The following LGR4 variants were observed in gnomAD, a reference collection of about 807,000 sequenced individuals.
LGR4 encodes the protein leucine-rich repeat-containing G protein-coupled receptor 4.
In LGR4, 44 loss-of-function variants were observed where a neutral mutation model predicts 84.8. That is an observed-to-expected ratio of 0.52 (90% CI 0.41 to 0.67). The LOEUF is 0.67. LGR4 is among the 30% of genes least tolerant of loss of function. LGR4 has a pLI of 0.00. For missense variants in LGR4, 1,032 were observed against 1,131.4 expected (o/e 0.91, Z 1.26); for synonymous variants, 429 against 434.3 (o/e 0.99, Z 0.15).
chr11:27,393,833 C>T (rs1378578899), intron 2 of LGR4, among the ~76,000 whole-genome samples: 1 of 149,210 alleles, frequency 6.7e-6, no homozygotes, highest in Non-Finnish European at 1.5e-5. Flanking sequence ...CTTTTAGATG[C>T]ATTATTTTCT....
At chr11:27,398,503 A>T (rs1863432717) in intron 2 of LGR4, among the ~76,000 whole-genome samples, 1 of 152,194 alleles carries the variant, frequency 6.6e-6, no homozygotes, top group Non-Finnish European at 1.5e-5. Context: ...TGGAGTAAGA[A>T]ATACCATATA....
chr11:27,380,690 CAG>C lies in LGR4; in HGVS notation c.850_851del (p.Leu284ValfsTer13). The C allele has an allele frequency of 6.2e-7, 1 of 1,602,858 alleles. No homozygotes were observed. The highest frequency in any genetic ancestry group is 8.5e-7 in the Non-Finnish European group (1 of 1,171,326). ...LRTIHLYDNP[L>X]SFVGNSAFHN... ...GAAATGCTGAGTTCCCCACAAAAGA[CAG>C]AGGATTATCATACAAATGTCTGTGA... On this transcript the variant is annotated frameshift_variant, in exon 9 of 18. Coordinates refer to ENST00000379214, the MANE Select transcript of LGR4 (RefSeq NM_018490.5). LOFTEE classifies it high-confidence loss of function.
chr11:27,458,136 AAAAAG>A (rs1367539249), intron 1 of LGR4, among the ~76,000 whole-genome samples: 1 of 152,176 alleles, frequency 6.6e-6, no homozygotes, highest in Non-Finnish European at 1.5e-5. Flanking sequence ...TCTCAAAAAG[AAAAAG>A]AAAAGAAAGT....
In LGR4 at chr11:27,368,942, A is replaced by G. The variant is rs1590339343; in HGVS notation, c.1781T>C (p.Leu594Pro). The G allele has an allele frequency of 6.2e-7, 1 of 1,614,148 alleles. No homozygotes were observed. Among genetic ancestry groups the G allele is most frequent in the South Asian group, 1.1e-5 (1 of 91,072 alleles). ...CCAGGACACAGCATCAAGAAAAGTT[A>G]GGATGCCAGTATAGATTCCCATGAA... ...NLFMGIYTGI[L>P]TFLDAVSWGR... is the part of the protein sequence containing the mutation. The change falls in exon 18 of 18, where the codon CTA becomes CCA. Residue 594 changes from leucine to proline, a missense_variant. Physicochemically the swap from Leu to Pro is moderately conservative, Grantham distance 98 (BLOSUM62 -3). Transcript: ENST00000379214.
At chr11:27,378,636 T>C in intron 11 of LGR4, 61 bp downstream of exon 11, 3 of 1,128,090 alleles carry the variant, frequency 2.7e-6, no homozygotes, top group Non-Finnish European at 4.0e-6. Context: ...AAAATAAAAT[T>C]GAACATGTGT....
chr11:27,460,607 T>C (rs1864662983), intron 1 of LGR4, among the ~76,000 whole-genome samples: 1 of 152,236 alleles, frequency 6.6e-6, no homozygotes, highest in African/African-American at 2.4e-5. Flanking sequence ...TTCTACAGAA[T>C]GTAATGAGGC....
At chr11:27,448,025 T>C (rs1203748098) in intron 1 of LGR4, among the ~76,000 whole-genome samples, 3 of 152,196 alleles carry the variant, frequency 2.0e-5, no homozygotes, top group African/African-American at 7.2e-5. Context: ...ATCCTGTGGT[T>C]CTATGATTAC....
intron 1 of LGR4, among the ~76,000 whole-genome samples, chr11:27,430,066 C>T (rs949365673): frequency 3.3e-5 from 5 of 152,094 alleles, no homozygotes; most frequent in Admixed American, 6.5e-5. Context: ...TCTCTAACTC[C>T]GGTATGGTTC....
chr11:27,462,583 T>C (rs920753146), intron 1 of LGR4, among the ~76,000 whole-genome samples: 1 of 152,172 alleles, frequency 6.6e-6, no homozygotes, highest in African/African-American at 2.4e-5. Flanking sequence ...GCTTTGAACC[T>C]GATATACATT....
intron 7 of LGR4, among the ~76,000 whole-genome samples, chr11:27,381,736 C>T (rs1482342514): frequency 2.0e-5 from 3 of 152,070 alleles, no homozygotes; most frequent in African/African-American, 4.8e-5. Flanking sequence ...AAAATGCTCC[C>T]TCATTCCTGT....
Position 27,367,916 on chromosome 11 carries a change from CCT to C in LGR4, c.2805_2806del (p.Gly936IlefsTer14). ...GTAAGCATAGCGCACCAAAGGGAAT[CCT>C]CTACTCTGGTAGAAGCAGGCTCGTC... On this transcript the variant is annotated frameshift_variant, in exon 18 of 18. Coordinates refer to ENST00000379214, the MANE Select transcript of LGR4 (RefSeq NM_018490.5). LOFTEE classifies it high-confidence loss of function. 6.2e-7 allele frequency: 1 copy of C among 1,611,018 alleles called. No individual in the cohort carries two copies. The highest frequency in any genetic ancestry group is 8.5e-7 in the Non-Finnish European group (1 of 1,179,192).
chr11:27,447,209 C>T (rs1485995900), intron 1 of LGR4, among the ~76,000 whole-genome samples: 1 of 151,870 alleles, frequency 6.6e-6, no homozygotes, highest in East Asian at 1.9e-4. Flanking sequence ...AAAGCGCTTA[C>T]AAACGATTCT....
chr11:27,369,034 T>C lies in LGR4; in HGVS notation c.1689A>G (p.Thr563=). 2 of 1,614,010 alleles carry C rather than the reference T, an allele frequency of 1.2e-6. No individual in the cohort carries two copies. Among genetic ancestry groups the C allele is most frequent in the Non-Finnish European group, 8.5e-7 (1 of 1,179,952 alleles). ...AAGGCAGTGATGTACAAGATGCAAA[T>C]GTTGTTAAAATAACAAGCAGGTTGA... ...LFFNLLVILT[T]FASCTSLPSS... is the part of the protein sequence containing the mutation. Residue 563 remains threonine, a synonymous_variant, in exon 18 of 18, where the codon ACA becomes ACG. Transcript: ENST00000379214.
intron 16 of LGR4, among the ~76,000 whole-genome samples, 153 bp from the exon 17 acceptor site, chr11:27,371,851 TG>T (rs1198473378): frequency 1.3e-5 from 2 of 152,114 alleles, no homozygotes; most frequent in Non-Finnish European, 2.9e-5. Flanking sequence ...TGAATGCCAT[TG>T]TTTTTTTTGG....
At chr11:27,394,023 A>G (rs1009232097) in intron 2 of LGR4, among the ~76,000 whole-genome samples, 2 of 146,066 alleles carry the variant, frequency 1.4e-5, no homozygotes, top group Non-Finnish European at 3.0e-5. Flanking sequence ...ATGAAGAATT[A>G]TTTCTTCAAT....
Position 27,392,510 on chromosome 11 carries a change from G to A in LGR4, c.266C>T (p.Ala89Val), listed in dbSNP as rs1863304355. The A allele has an allele frequency of 5.1e-6, 8 of 1,562,260 alleles. No homozygotes were observed. The highest frequency in any genetic ancestry group is 2.3e-5 in the East Asian group (1 of 43,750). ...NFPFLEELQL[A>V]GNDLSFIHPK... ...GTGGATAAAAGAAAGGTCGTTGCCC[G>A]CCAATTGTCTAGAGAAAAAAAAAAA... Residue 89 changes from alanine (A) to valine (V), a missense_variant, in exon 3 of 18, where the codon GCG becomes GTG. By Grantham distance (64) the Ala-to-Val change is moderately conservative (BLOSUM62 0). Coordinates refer to ENST00000379214, the MANE Select transcript of LGR4 (RefSeq NM_018490.5).
At chr11:27,467,169 G>A (rs1227375076) in intron 1 of LGR4, among the ~76,000 whole-genome samples, 1 of 152,124 alleles carries the variant, frequency 6.6e-6, no homozygotes, top group East Asian at 1.9e-4. Flanking sequence ...AAATATTCCA[G>A]GTGAACTGGA....
intron 1 of LGR4, among the ~76,000 whole-genome samples, chr11:27,463,344 A>C (rs1475925488): frequency 2.0e-5 from 3 of 152,204 alleles, no homozygotes; most frequent in Admixed American, 6.5e-5. Context: ...GAAGGCCAAC[A>C]AGAAAATTTT....
intron 1 of LGR4, among the ~76,000 whole-genome samples, chr11:27,419,513 A>T (rs1863884072): frequency 6.6e-6 from 1 of 151,036 alleles, no homozygotes; most frequent in African/African-American, 2.4e-5. Context: ...GTAATTTCTT[A>T]TAAAATTAAA....
Sources: gnomAD v4.1 joint callset for allele counts (sites outside exome capture counted in the v4.1 genomes callset) on GRCh38, gnomAD v4.1.1 for gene constraint, MANE v1.5 for transcripts, NCBI Gene and HGNC (gene_info 2026-07-23, HGNC 2026-07-21) for gene names.